ATP7A: variants seen among roughly 807,000 people sequenced by gnomAD.
ATP7A encodes the protein copper-transporting ATPase 1.
A neutral mutation model predicts 83.5 loss-of-function variants in ATP7A; 7 were observed. That is an observed-to-expected ratio of 0.08 (90% confidence interval 0.05 to 0.16). ATP7A has a LOEUF of 0.16. ATP7A is among the 10% of genes least tolerant of loss of function. ATP7A has a pLI of 1.00. For missense variants in ATP7A, 940 were observed against 1,120.8 expected, an observed-to-expected ratio of 0.84 and a Z score of 2.30; for synonymous variants, 354 against 395.2, an observed-to-expected ratio of 0.90 and a Z score of 1.24.
At position 78,033,726 on chromosome X, in the gene ATP7A, A is replaced by G. The variant is rs782154314; in HGVS notation, c.3416A>G (p.Asp1139Gly). 119 of 1,208,777 alleles carry G rather than the reference A, an allele frequency of 9.8e-5. 2 individuals are homozygous for G. In the South Asian group the frequency reaches 2.0e-3, roughly 20 times the overall value. ...CATAAGAATAACTGGAATATAGAGG[A>G]CAATAATATTAAAAATGCATCCCTG... ...LLHKNNWNIE[D>G]NNIKNASLVQ... Residue 1139 changes from aspartate to glycine, a missense_variant, in exon 17 of 23, where the codon GAC becomes GGC. Asp to Gly is a moderately conservative substitution (Grantham distance 94). This residue lies in a region of ATP7A where 386 missense variants were observed against 502.2 expected (regional missense o/e 0.77). Coordinates refer to ENST00000341514, the MANE Select transcript of ATP7A (RefSeq NM_000052.7).
At chrX:78,017,271 A>T (rs1264334162) in intron 12 of ATP7A, among the ~76,000 whole-genome samples, 1 of 112,197 alleles carries the variant, frequency 8.9e-6, no homozygotes, top group Non-Finnish European at 1.9e-5. Flanking sequence ...AGCTGCTGGG[A>T]TGCAGGATAC....
chrX:78,038,890 T>A lies in ATP7A; in HGVS notation c.3566T>A (p.Ile1189Asn). 8.3e-7 allele frequency: 1 copy of A among 1,210,022 alleles called. No homozygotes were observed. The highest frequency in any genetic ancestry group is 3.0e-5 in the East Asian group (1 of 33,845). The change falls in exon 18 of 23, where the codon ATT becomes AAT. Residue 1189 changes from isoleucine to asparagine, a missense_variant. Ile to Asn is a moderately radical substitution (Grantham distance 149). Coordinates refer to ENST00000341514, the MANE Select transcript of ATP7A (RefSeq NM_000052.7). The stretch of plus-strand genomic sequence containing the variant: ...CTCATTGGTAACCGGGAGTGGATGA[T>A]TAGAAATGGTCTTGTCATTAATAAC... Reference protein sequence around the residue: ...KVLIGNREWMIRNGLVINNDV... With the variant: ...KVLIGNREWMNRNGLVINNDV...
intron 17 of ATP7A, among the ~76,000 whole-genome samples, chrX:78,034,808 A>G (rs1478102267): frequency 7.7e-5 from 8 of 104,266 alleles, no homozygotes; most frequent in Non-Finnish European, 3.9e-5. Context: ...CAGTGGTGCA[A>G]TCTCAGCTCA....
chrX:77,990,006 T>C, intron 4 of ATP7A, 48 bp downstream of exon 4: 14 of 1,198,741 alleles, frequency 1.2e-5, no homozygotes, highest in Non-Finnish European at 1.6e-5. Flanking sequence ...TTTACTTCCA[T>C]TTTGCTGCTT....
intron 2 of ATP7A, among the ~76,000 whole-genome samples, chrX:77,986,598 A>G (rs1024079925): frequency 7.2e-5 from 8 of 111,336 alleles, no homozygotes; most frequent in African/African-American, 2.6e-4. Context: ...GCCACCATCT[A>G]TCTATCCACT....
intron 1 of ATP7A, among the ~76,000 whole-genome samples, chrX:77,962,233 A>G (rs782488633): frequency 8.9e-4 from 100 of 111,940 alleles, no homozygotes; most frequent in Middle Eastern, 4.7e-3. Flanking sequence ...AGGCAGGAAC[A>G]TAAGGCTGAT....
intron 1 of ATP7A, among the ~76,000 whole-genome samples, chrX:77,942,436 TC>T (rs2077356004): frequency 9.2e-6 from 1 of 108,686 alleles, no homozygotes; most frequent in African/African-American, 3.3e-5. Flanking sequence ...GTTTAGGAAC[TC>T]CTTTTTTTTT....
chrX:77,962,025 A>G (rs782096879), intron 1 of ATP7A, among the ~76,000 whole-genome samples: 16 of 112,381 alleles, frequency 1.4e-4, no homozygotes, highest in Non-Finnish European at 2.8e-4. Flanking sequence ...ATGAGACAAA[A>G]GAGACATAAA....
At chrX:78,039,418 C>T (rs782364353) in intron 18 of ATP7A, among the ~76,000 whole-genome samples, 46 of 111,087 alleles carry the variant, frequency 4.1e-4, no homozygotes, top group Admixed American at 4.8e-4. Flanking sequence ...CTGCAACCTC[C>T]GCCTCCTGGG....
At chrX:78,017,251 C>T (rs1478933558) in intron 12 of ATP7A, among the ~76,000 whole-genome samples, 3 of 112,477 alleles carry the variant, frequency 2.7e-5, no homozygotes, top group African/African-American at 9.7e-5. Context: ...TTAGCCATGA[C>T]TGGAGCTGAA....
At chrX:77,939,296 C>CAA (rs35163171) in intron 1 of ATP7A, among the ~76,000 whole-genome samples, 1 of 93,349 alleles carries the variant, frequency 1.1e-5, no homozygotes. Flanking sequence ...GACACTGTCT[C>CAA]AAAAAAAAAA....
chrX:78,005,869 T>G (rs1192128231), intron 6 of ATP7A, among the ~76,000 whole-genome samples: 1 of 110,347 alleles, frequency 9.1e-6, no homozygotes, highest in Non-Finnish European at 1.9e-5. Flanking sequence ...GCAATTAAAA[T>G]AATTATAATT....
chrX:77,922,749 A>G (rs1262563594), intron 1 of ATP7A, among the ~76,000 whole-genome samples: 1 of 111,960 alleles, frequency 8.9e-6, no homozygotes, highest in Non-Finnish European at 1.9e-5. Flanking sequence ...TCTTCTGTGA[A>G]GCCTTCCCTG....
At chrX:78,007,090 G>C (rs1171797500) in intron 6 of ATP7A, among the ~76,000 whole-genome samples, 2 of 111,643 alleles carry the variant, frequency 1.8e-5, no homozygotes, top group Non-Finnish European at 3.8e-5. Flanking sequence ...CTGCCAGACT[G>C]TTTTCTAAAG....
chrX:77,969,633 G>A (rs782800878), intron 1 of ATP7A: 16 of 1,211,663 alleles, frequency 1.3e-5, no homozygotes, highest in African/African-American at 1.7e-5. Context: ...GTTTGTAGGC[G>A]GCCATGGCGG....
intron 12 of ATP7A, among the ~76,000 whole-genome samples, chrX:78,018,395 T>C (rs1291423903): frequency 9.1e-6 from 1 of 110,093 alleles, no homozygotes; most frequent in Non-Finnish European, 1.9e-5. Context: ...TCCTAGCTAC[T>C]TGGGAGGCTG....
intron 12 of ATP7A, 82 bp downstream of exon 12, chrX:78,015,963 A>T: frequency 9.6e-7 from 1 of 1,040,202 alleles, no homozygotes; most frequent in East Asian, 3.0e-5. Context: ...GAAGCTATGA[A>T]TAACTAAATT....
chrX:77,962,517 C>A, intron 1 of ATP7A: 1 of 262,780 alleles, frequency 3.8e-6, no homozygotes, highest in Admixed American at 4.6e-5. Context: ...ACGCCAAGAA[C>A]CTGGACACCC....
At chrX:77,993,143 G>GA (rs2077679597) in intron 4 of ATP7A, among the ~76,000 whole-genome samples, 1 of 111,746 alleles carries the variant, frequency 8.9e-6, no homozygotes, top group South Asian at 3.7e-4. Context: ...TTACATATAG[G>GA]AACACAATTA....
Sources: gnomAD v4.1 joint callset for allele counts (sites outside exome capture counted in the v4.1 genomes callset) on GRCh38, gnomAD v4.1.1 for gene constraint, gnomAD v4.1.1 regional missense constraint, MANE v1.5 for transcripts, NCBI Gene and HGNC (gene_info 2026-07-23, HGNC 2026-07-21) for gene names.